The following RLN2 variants were observed in gnomAD, a reference collection of about 807,000 sequenced individuals.
The protein encoded by RLN2 is prorelaxin H2.
A neutral mutation model predicts 7.3 loss-of-function variants in RLN2; 10 were observed. The observed-to-expected ratio is 1.36, with a 90% confidence interval of 0.84 to 2.31. RLN2 has a LOEUF of 2.31. Among genes scored for constraint, RLN2 ranks in the 30% most tolerant of loss-of-function variants. The pLI, the probability that RLN2 is intolerant of heterozygous loss-of-function variation, is 0.00. For missense variants in RLN2, 298 were observed against 217.6 expected (o/e 1.37, Z -2.32); for synonymous variants, 103 against 82.3 (o/e 1.25, Z -1.36).
At chr9:5,329,128 C>T in the RLN2 span, among the ~76,000 whole-genome samples, 2 of 150,788 alleles carry the variant, frequency 1.3e-5, no homozygotes, top group Non-Finnish European at 3.0e-5. Flanking sequence ...AAGGTGAAAC[C>T]CCGTCTCTAC....
chr9:5,308,734 G>C (rs970333277), upstream of RLN2, among the ~76,000 whole-genome samples: 3 of 152,066 alleles, frequency 2.0e-5, no homozygotes, highest in Non-Finnish European at 4.4e-5. Flanking sequence ...CACATGGCCT[G>C]ACCACAAGTT....
upstream of RLN2, among the ~76,000 whole-genome samples, chr9:5,305,821 T>C (rs141651625): frequency 6.5e-3 from 983 of 152,172 alleles, 24 homozygotes; most frequent in African/African-American, 0.023. Context: ...AATTTCTAGA[T>C]TGCTGGTGAT....
the RLN2 span, among the ~76,000 whole-genome samples, chr9:5,318,869 A>AGGTGCTCATGCCGC: frequency 4.6e-5 from 7 of 152,060 alleles, no homozygotes; most frequent in Admixed American, 3.3e-4. Flanking sequence ...GGTTGATTCC[A>AGGTGCTCATGCCGC]AAGAGAATAG....
the RLN2 span, among the ~76,000 whole-genome samples, chr9:5,316,020 TG>T: frequency 1.3e-5 from 2 of 152,044 alleles, no homozygotes; most frequent in Non-Finnish European, 2.9e-5. Flanking sequence ...TCAAATTCAC[TG>T]GTAAAGGTAA....
At chr9:5,311,636 G>A in the RLN2 span, 32 of 1,308,616 alleles carry the variant, frequency 2.4e-5, 1 homozygote, top group Non-Finnish European at 3.2e-5. Flanking sequence ...TGCTGGCAAG[G>A]AGGGGAATAA....
the RLN2 span, among the ~76,000 whole-genome samples, chr9:5,336,917 T>A: frequency 6.6e-6 from 1 of 152,006 alleles, no homozygotes. Context: ...TCCTGAGTTT[T>A]GTGGCAAAAG....
At chr9:5,312,673 G>C in the RLN2 span, among the ~76,000 whole-genome samples, 1 of 151,710 alleles carries the variant, frequency 6.6e-6, no homozygotes, top group African/African-American at 2.4e-5. Flanking sequence ...GAAATACCAT[G>C]ATTGTTTATG....
the RLN2 span, among the ~76,000 whole-genome samples, chr9:5,327,056 G>A: frequency 2.6e-5 from 4 of 152,002 alleles, no homozygotes; most frequent in African/African-American, 9.7e-5. Context: ...AACAGTGGGG[G>A]CAGCCCACAG....
chr9:5,333,939 T>C, the RLN2 span, among the ~76,000 whole-genome samples: 1 of 152,010 alleles, frequency 6.6e-6, no homozygotes, highest in African/African-American at 2.4e-5. Context: ...TCTTAACAGA[T>C]GCACAAAACA....
At position 5,304,411 on chromosome 9, in the gene RLN2, A is replaced by G. The variant is rs1816196233; in HGVS notation, c.170T>C (p.Leu57Pro). Residue 57 changes from leucine to proline, a missense_variant, in exon 1 of 2, where the codon CTG becomes CCG. Leu to Pro is a moderately conservative substitution (Grantham distance 98). Coordinates refer to ENST00000381627, the MANE Select transcript of RLN2 (RefSeq NM_134441.3). Reference protein sequence around the residue: ...CGMSTWSKRSLSQEDAPQTPR... With the variant: ...CGMSTWSKRSPSQEDAPQTPR... ...TGTCTGAGGAGCATCTTCCTGGCTC[A>G]GAGACCTTTTGCTCCAGGTGCTCAT... The G allele has an allele frequency of 5.0e-6, 8 of 1,610,440 alleles. No homozygotes were observed. Among genetic ancestry groups the G allele is most frequent in the Non-Finnish European group, 6.8e-6 (8 of 1,178,862 alleles).
chr9:5,323,417 C>A, the RLN2 span, among the ~76,000 whole-genome samples: 1 of 151,764 alleles, frequency 6.6e-6, no homozygotes, highest in African/African-American at 2.4e-5. Flanking sequence ...AAACAAATTC[C>A]TTGTCATCAT....
the RLN2 span, among the ~76,000 whole-genome samples, chr9:5,334,721 G>A: frequency 6.6e-6 from 1 of 151,594 alleles, no homozygotes; most frequent in Non-Finnish European, 1.5e-5. Context: ...ACTCTGCTAG[G>A]AAAAAAAGAA....
chr9:5,323,767 C>A, the RLN2 span, among the ~76,000 whole-genome samples: 1 of 151,892 alleles, frequency 6.6e-6, no homozygotes, highest in South Asian at 2.1e-4. Flanking sequence ...ATACACAGGC[C>A]AGGCACGGTG....
the RLN2 span, chr9:5,335,354 C>G: frequency 3.7e-6 from 6 of 1,613,528 alleles, no homozygotes; most frequent in Non-Finnish European, 5.1e-6. Flanking sequence ...AGTATCCAAG[C>G]CTAAGTATTT....
the RLN2 span, among the ~76,000 whole-genome samples, chr9:5,337,462 T>G: frequency 5.9e-5 from 9 of 152,190 alleles, no homozygotes; most frequent in East Asian, 3.9e-4. Flanking sequence ...TAATTCACTG[T>G]ATTTTGGATG....
the RLN2 span, among the ~76,000 whole-genome samples, chr9:5,333,493 T>C: frequency 2.0e-5 from 3 of 152,080 alleles, no homozygotes; most frequent in Non-Finnish European, 2.9e-5. Flanking sequence ...AATCCCTGAA[T>C]AGACAATGAG....
chr9:5,318,327 G>T, the RLN2 span, among the ~76,000 whole-genome samples: 1 of 151,800 alleles, frequency 6.6e-6, no homozygotes, highest in African/African-American at 2.4e-5. Flanking sequence ...ATAGCTGGTT[G>T]GAAAAATGAA....
intron 1 of RLN2, among the ~76,000 whole-genome samples, chr9:5,302,124 T>C (rs563279854): frequency 1.9e-4 from 29 of 152,306 alleles, no homozygotes; most frequent in African/African-American, 6.5e-4. Context: ...ACAGTTATAG[T>C]TTGTATTAGG....
the RLN2 span, among the ~76,000 whole-genome samples, chr9:5,327,838 A>T: frequency 6.6e-6 from 1 of 152,048 alleles, no homozygotes; most frequent in East Asian, 1.9e-4. Flanking sequence ...TTAGAAGGAA[A>T]ACTAATAAAC....
Sources: gnomAD v4.1 joint callset for allele counts (sites outside exome capture counted in the v4.1 genomes callset) on GRCh38, gnomAD v4.1.1 for gene constraint, MANE v1.5 for transcripts, NCBI Gene and HGNC (gene_info 2026-07-23, HGNC 2026-07-21) for gene names.